The following NRXN3 variants were observed in gnomAD, a reference collection of about 807,000 sequenced individuals.
The protein encoded by NRXN3 is neurexin 3, also known as neurexin III.
A neutral mutation model predicts 137.6 loss-of-function variants in NRXN3; 32 were observed. That is an observed-to-expected ratio of 0.23 (90% CI 0.18 to 0.31). The LOEUF (loss-of-function observed/expected upper bound fraction) is 0.31, where lower values mean the gene tolerates loss of function less well. Among genes scored for constraint, NRXN3 ranks in the 10% least tolerant of loss-of-function variants. NRXN3 has a pLI of 1.00. For missense variants in NRXN3, 1,574 were observed against 2,062.5 expected (o/e 0.76, Z 4.59); for synonymous variants, 798 against 784.5 (o/e 1.02, Z -0.29).
intron 15 of NRXN3, chr14:79,247,344 G>C (rs1288338216): frequency 6.6e-6 from 1 of 152,040 alleles, no homozygotes; most frequent in African/African-American, 2.4e-5. Context: ...GTCATTGACA[G>C]CCACTAAATC....
At chr14:79,266,275 A>C (rs1243908731) in intron 15 of NRXN3, among the ~76,000 whole-genome samples, 1 of 152,166 alleles carries the variant, frequency 6.6e-6, no homozygotes, top group Non-Finnish European at 1.5e-5. Context: ...ATATTACTTC[A>C]AAACCTGGTT....
chr14:78,501,513 G>A (rs1279414040), intron 4 of NRXN3, among the ~76,000 whole-genome samples: 1 of 152,156 alleles, frequency 6.6e-6, no homozygotes, highest in Non-Finnish European at 1.5e-5. Context: ...TGGAAGTTAT[G>A]TCCCATCACT....
chr14:78,221,625 G>A (rs1041056480), intron 1 of NRXN3, among the ~76,000 whole-genome samples: 3 of 152,174 alleles, frequency 2.0e-5, no homozygotes, highest in Non-Finnish European at 4.4e-5. Context: ...ACATCTGGAG[G>A]CAGTTTGATC....
At chr14:79,579,168 CTGAG>C (rs1478973447) in intron 16 of NRXN3, among the ~76,000 whole-genome samples, 1 of 151,480 alleles carries the variant, frequency 6.6e-6, no homozygotes, top group African/African-American at 2.4e-5. Context: ...TTCTACTTTA[CTGAG>C]TGAGTGGACA....
At chr14:78,362,673 T>C (rs2085307866) in intron 4 of NRXN3, among the ~76,000 whole-genome samples, 1 of 152,212 alleles carries the variant, frequency 6.6e-6, no homozygotes, top group South Asian at 2.1e-4. Flanking sequence ...CATAAATCTA[T>C]AAGAATTTGG....
intron 15 of NRXN3, among the ~76,000 whole-genome samples, chr14:79,265,949 G>A (rs1206689396): frequency 6.6e-6 from 1 of 152,138 alleles, no homozygotes; most frequent in African/African-American, 2.4e-5. Context: ...ACAGGTGGGT[G>A]GTTGGCCAAG....
At chr14:79,250,654 T>C (rs2094420226) in intron 15 of NRXN3, among the ~76,000 whole-genome samples, 1 of 152,154 alleles carries the variant, frequency 6.6e-6, no homozygotes, top group South Asian at 2.1e-4. Flanking sequence ...CCATGCAACA[T>C]TCAAGAATCT....
intron 14 of NRXN3, among the ~76,000 whole-genome samples, chr14:78,972,717 C>T (rs1358656415): frequency 6.6e-6 from 1 of 152,194 alleles, no homozygotes; most frequent in Non-Finnish European, 1.5e-5. Context: ...TACTCCCCAA[C>T]CCCATCTTTG....
chr14:78,718,255 C>G (rs1428896381), intron 8 of NRXN3, among the ~76,000 whole-genome samples: 1 of 152,144 alleles, frequency 6.6e-6, no homozygotes, highest in Non-Finnish European at 1.5e-5. Context: ...CCCAGTAGCT[C>G]AAACTGTGTT....
At chr14:79,248,181 C>G (rs1032230091) in intron 15 of NRXN3, among the ~76,000 whole-genome samples, 1 of 152,198 alleles carries the variant, frequency 6.6e-6, no homozygotes, top group African/African-American at 2.4e-5. Context: ...ACCCTCCAGA[C>G]AGCCCTTCAA....
intron 15 of NRXN3, among the ~76,000 whole-genome samples, chr14:79,018,311 A>G (rs573569442): frequency 7.0e-6 from 1 of 142,512 alleles, no homozygotes; most frequent in Non-Finnish European, 1.5e-5. Context: ...GAGAGCAAGA[A>G]GAGTGAAAGT....
intron 16 of NRXN3, among the ~76,000 whole-genome samples, chr14:79,563,149 G>C (rs2097516377): frequency 6.6e-6 from 1 of 152,164 alleles, no homozygotes; most frequent in Non-Finnish European, 1.5e-5. Context: ...TTCTTTGAAA[G>C]TAGATGAAAG....
chr14:79,599,120 G>T (rs1018640014), intron 16 of NRXN3, among the ~76,000 whole-genome samples: 6 of 152,036 alleles, frequency 3.9e-5, no homozygotes, highest in Middle Eastern at 3.4e-3. Context: ...TTGAAAACTG[G>T]GCCATCATTT....
At position 78,401,486 on chromosome 14, in the gene NRXN3, A is replaced by G. The variant is rs538106614; in HGVS notation, c.757+103626A>G. The stretch of plus-strand genomic sequence containing the variant: ...GGCCCAAAGGCCACTTTTTAATACC[A>G]TCACAATGAGGATTAGATTTCAACA... On this transcript the variant is annotated intron_variant, in intron 4 of 20. Transcript: ENST00000335750. Among the ~76,000 whole-genome samples, 4 of 152,114 alleles carry G rather than the reference A, an allele frequency of 2.6e-5. No individual in the cohort carries two copies. The East Asian group carries it at 7.8e-4, about 30-fold the overall frequency.
chr14:78,789,132 C>T (rs2098797880), intron 8 of NRXN3, among the ~76,000 whole-genome samples: 1 of 152,138 alleles, frequency 6.6e-6, no homozygotes, highest in Non-Finnish European at 1.5e-5. Context: ...AAGATTACAT[C>T]TAGTCTTTCA....
At chr14:78,294,575 A>AG (rs1184262839) in intron 3 of NRXN3, among the ~76,000 whole-genome samples, 1 of 148,250 alleles carries the variant, frequency 6.7e-6, no homozygotes. Flanking sequence ...AAAAAAAAAA[A>AG]AAAAGAAAAA....
At chr14:78,601,998 G>T (rs1267592463) in intron 4 of NRXN3, among the ~76,000 whole-genome samples, 1 of 152,180 alleles carries the variant, frequency 6.6e-6, no homozygotes, top group Non-Finnish European at 1.5e-5. Flanking sequence ...CTTTGGAGTT[G>T]ATTGCCTATG....
At chr14:78,267,461 G>A (rs918951888) in intron 2 of NRXN3, among the ~76,000 whole-genome samples, 7 of 152,140 alleles carry the variant, frequency 4.6e-5, no homozygotes, top group Middle Eastern at 3.2e-3. Context: ...GGAAGCTGAT[G>A]TGGGAGGATT....
At chr14:78,262,020 A>G (rs952897168) in intron 2 of NRXN3, among the ~76,000 whole-genome samples, 6 of 152,202 alleles carry the variant, frequency 3.9e-5, no homozygotes, top group African/African-American at 1.4e-4. Context: ...CTGTAGATGG[A>G]AAGAACAGAG....
Sources: gnomAD v4.1 joint callset for allele counts (sites outside exome capture counted in the v4.1 genomes callset) on GRCh38, gnomAD v4.1.1 for gene constraint, MANE v1.5 for transcripts, NCBI Gene and HGNC (gene_info 2026-07-23, HGNC 2026-07-21) for gene names.